Variants in KLHL32 observed in about 807,000 individuals in gnomAD.
KLHL32 encodes the protein kelch-like protein 32.
A neutral mutation model predicts 64.8 loss-of-function variants in KLHL32; 35 were observed. That is an observed-to-expected ratio of 0.54 (90% confidence interval 0.41 to 0.72). The LOEUF (loss-of-function observed/expected upper bound fraction) is 0.72, where lower values mean the gene tolerates loss of function less well. Among genes scored for constraint, KLHL32 ranks in the 30% least tolerant of loss-of-function variants. KLHL32 has a pLI of 0.00. For missense variants in KLHL32, 589 were observed against 768.5 expected, an observed-to-expected ratio of 0.77 and a Z score of 2.76; for synonymous variants, 259 against 281.0, an observed-to-expected ratio of 0.92 and a Z score of 0.78.
intron 1 of KLHL32, among the ~76,000 whole-genome samples, chr6:96,949,069 C>T (rs985980269): frequency 1.3e-5 from 2 of 152,178 alleles, no homozygotes; most frequent in Middle Eastern, 3.2e-3. Context: ...TTGACTCAAT[C>T]ACATCACGAT....
At chr6:96,979,306 T>C (rs1317575173) in intron 3 of KLHL32, among the ~76,000 whole-genome samples, 1 of 152,198 alleles carries the variant, frequency 6.6e-6, no homozygotes, top group East Asian at 1.9e-4. Flanking sequence ...CCCTCTTGAG[T>C]TGATTTTTGT....
At chr6:97,043,468 T>C (rs1342382922) in intron 4 of KLHL32, among the ~76,000 whole-genome samples, 1 of 152,068 alleles carries the variant, frequency 6.6e-6, no homozygotes, top group African/African-American at 2.4e-5. Context: ...CATCTGATGA[T>C]GGACAACTAG....
chr6:97,121,834 A>G (rs1259019232), intron 7 of KLHL32, among the ~76,000 whole-genome samples: 1 of 152,204 alleles, frequency 6.6e-6, no homozygotes, highest in Non-Finnish European at 1.5e-5. Context: ...AGGAGAGAAG[A>G]TGGTTAAAGC....
chr6:97,080,756 C>T (rs933674876), intron 5 of KLHL32, among the ~76,000 whole-genome samples: 1 of 152,088 alleles, frequency 6.6e-6, no homozygotes, highest in Non-Finnish European at 1.5e-5. Context: ...ACTGGGGGAT[C>T]AGGGGAGGAG....
chr6:97,017,995 T>G (rs1310153654), intron 3 of KLHL32, among the ~76,000 whole-genome samples: 1 of 152,198 alleles, frequency 6.6e-6, no homozygotes, highest in Non-Finnish European at 1.5e-5. Context: ...AATTTGGGTT[T>G]TATCTATTAT....
intron 5 of KLHL32, among the ~76,000 whole-genome samples, chr6:97,079,796 G>A (rs1030492845): frequency 2.6e-5 from 4 of 151,966 alleles, no homozygotes; most frequent in Admixed American, 6.6e-5. Flanking sequence ...AACAATGTAT[G>A]CACCATAATT....
chr6:97,042,463 A>AT (rs1464902982), intron 4 of KLHL32, among the ~76,000 whole-genome samples: 3 of 152,118 alleles, frequency 2.0e-5, no homozygotes, highest in Non-Finnish European at 2.9e-5. Context: ...GTGGGAGCTC[A>AT]TTTTTCTACT....
chr6:96,967,013 T>G lies in KLHL32; in HGVS notation c.-48T>G, dbSNP rs376578407. On this transcript the variant is annotated 5_prime_UTR_variant, in exon 2 of 11. It adds an upstream start codon to the 5' untranslated region. Transcript: ENST00000369261. ...TTATTCAGCTGGAATGCTTGCTGATTCCTCTGCACACTTCTAAGGCTGAGA... is the reference window on the plus strand; with the variant it reads ...TTATTCAGCTGGAATGCTTGCTGATGCCTCTGCACACTTCTAAGGCTGAGA... The G allele has an allele frequency of 3.1e-5, 49 of 1,584,340 alleles. No individual in the cohort carries two copies. In the African/African-American group the frequency reaches 5.6e-4, roughly 18 times the overall value.
intron 3 of KLHL32, among the ~76,000 whole-genome samples, chr6:97,010,522 TTC>T (rs1345399604): frequency 3.9e-5 from 6 of 152,254 alleles, no homozygotes; most frequent in African/African-American, 1.4e-4. Context: ...CCTTAACTAT[TTC>T]TGATTATATA....
Position 97,055,796 on chromosome 6 carries a change from T to TAAAAAAAAAAAAAAA in KLHL32, c.313-8820_313-8806dup, listed in dbSNP as rs750242567. ...CGAGGTAACAGACTGAGAACCTGTC[T>TAAAAAAAAAAAAAAA]AAAAAAAAAAAAAAAAAAAAAAAAA... On this transcript the variant is annotated intron_variant, in intron 4 of 10. Transcript: ENST00000369261. Among the ~76,000 whole-genome samples, 178 of 81,012 alleles carry TAAAAAAAAAAAAAAA rather than the reference T, an allele frequency of 2.2e-3. 25 individuals are homozygous for TAAAAAAAAAAAAAAA. The highest frequency in any genetic ancestry group is 7.6e-3 in the Middle Eastern group (1 of 132). The allele number at this position is 81,012 out of a possible 152,430, so 53.1% of individuals were successfully genotyped here.
At chr6:97,031,641 T>G (rs2128116299) in intron 3 of KLHL32, among the ~76,000 whole-genome samples, 1 of 152,284 alleles carries the variant, frequency 6.6e-6, no homozygotes, top group Middle Eastern at 3.4e-3. Context: ...CCTGGCAATG[T>G]TAACTTTCTA....
chr6:97,022,982 A>G (rs967724365), intron 3 of KLHL32, among the ~76,000 whole-genome samples: 2 of 152,186 alleles, frequency 1.3e-5, no homozygotes, highest in Non-Finnish European at 2.9e-5. Context: ...AGAAGAGAGC[A>G]GGGGAAACTG....
At chr6:96,934,491 T>A (rs764110689) in intron 1 of KLHL32, among the ~76,000 whole-genome samples, 17 of 152,232 alleles carry the variant, frequency 1.1e-4, no homozygotes, top group Non-Finnish European at 2.4e-4. Context: ...AGTTCTGATG[T>A]CAGTGCTCTC....
intron 10 of KLHL32, among the ~76,000 whole-genome samples, chr6:97,135,554 T>G (rs1799912323): frequency 1.3e-5 from 2 of 152,114 alleles, no homozygotes; most frequent in Non-Finnish European, 2.9e-5. Flanking sequence ...CACCTCGGCC[T>G]CCCAAAGTGC....
At chr6:97,100,987 T>G (rs1215937050) in intron 6 of KLHL32, among the ~76,000 whole-genome samples, 2 of 131,500 alleles carry the variant, frequency 1.5e-5, no homozygotes, top group Non-Finnish European at 3.2e-5. Flanking sequence ...TTTTTTTTTT[T>G]GGTAGAGACA....
At chr6:97,068,987 G>A (rs1790262435) in intron 5 of KLHL32, among the ~76,000 whole-genome samples, 1 of 152,184 alleles carries the variant, frequency 6.6e-6, no homozygotes, top group Non-Finnish European at 1.5e-5. Flanking sequence ...GGACGCAAGG[G>A]CGATAGGTAG....
At chr6:97,034,643 G>T (rs544475115) in intron 3 of KLHL32, among the ~76,000 whole-genome samples, 2 of 151,998 alleles carry the variant, frequency 1.3e-5, no homozygotes, top group East Asian at 3.9e-4. Flanking sequence ...CATGGACATG[G>T]ATGTCTTTCC....
Position 97,132,693 on chromosome 6 carries a change from A to G in KLHL32, c.1647A>G (p.Ile549Met), listed in dbSNP as rs372930745. The G allele has an allele frequency of 3.1e-6, 5 of 1,613,168 alleles. 1 individual carries two copies. The highest frequency in any genetic ancestry group is 4.2e-6 in the Non-Finnish European group (5 of 1,179,558). ...ESGVAVHNGR[I>M]YLVGGYSIWT... The stretch of plus-strand genomic sequence containing the variant: ...GAGTTGCTGTCCATAATGGGAGAAT[A>G]TATTTAGTTGGTGGATATTCAATTT... The change falls in exon 10 of 11, where the codon ATA (isoleucine) becomes ATG (methionine). Residue 549 changes from isoleucine to methionine, a missense_variant. Around this residue, in one of 3 missense-constraint regions of KLHL32, gnomAD observed 172 missense variants for 192.0 expected, o/e 0.90. Coordinates refer to ENST00000369261, the MANE Select transcript of KLHL32 (RefSeq NM_052904.4).
At chr6:96,958,555 G>A (rs543229789) in intron 1 of KLHL32, among the ~76,000 whole-genome samples, 1 of 152,268 alleles carries the variant, frequency 6.6e-6, no homozygotes, top group Non-Finnish European at 1.5e-5. Context: ...ACACAAGGCT[G>A]GTAGTGTTGG....
Sources: allele counts gnomAD v4.1 joint callset (sites outside exome capture counted in the v4.1 genomes callset), GRCh38; gene constraint gnomAD v4.1.1; regional missense constraint gnomAD v4.1.1; transcripts MANE v1.5; gene names NCBI Gene and HGNC (gene_info 2026-07-23, HGNC 2026-07-21).